Variants in TCP11L1 observed in about 807,000 individuals in gnomAD.
The protein encoded by TCP11L1 is t-complex 11 like 1, also known as T-complex protein 11-like protein 1.
In TCP11L1, 28 loss-of-function variants were observed where a neutral mutation model predicts 48.9. The observed-to-expected ratio is 0.57, with a 90% CI of 0.42 to 0.78. The LOEUF (loss-of-function observed/expected upper bound fraction) is 0.78. Among genes scored for constraint, TCP11L1 ranks in the 30% least tolerant of loss-of-function variants. TCP11L1 has a pLI of 0.00. For missense variants in TCP11L1, 505 were observed against 613.4 expected (o/e 0.82, Z 1.87); for synonymous variants, 204 against 231.9 (o/e 0.88, Z 1.09).
intron 9 of TCP11L1, 109 bp from the exon 10 acceptor site, chr11:33,072,363 GAT>G (rs1854817269): frequency 9.1e-7 from 1 of 1,092,900 alleles, no homozygotes; most frequent in Non-Finnish European, 1.4e-6. Flanking sequence ...TGGGAGTATT[GAT>G]CGGGGACAAC....
Position 33,065,828 on chromosome 11 carries a change from A to G in TCP11L1, c.973-2A>G, listed in dbSNP as rs1157843808. On this transcript the variant is annotated splice_acceptor_variant, in intron 7 of 9. Coordinates refer to ENST00000334274, the MANE Select transcript of TCP11L1 (RefSeq NM_018393.4). LOFTEE classifies it high-confidence loss of function. ...AGCGATGGCCTCTTCTATTCATTAC[A>G]GACAGTTTTAATGGACCAGTCTCGC... is the stretch of plus-strand genomic sequence containing the variant. 1.2e-6 allele frequency: 2 copies of G among 1,613,432 alleles called. No homozygotes were observed. Among genetic ancestry groups the G allele is most frequent in the Non-Finnish European group, 1.7e-6 (2 of 1,179,606 alleles).
chr11:33,069,746 C>T (rs183387157), intron 9 of TCP11L1, among the ~76,000 whole-genome samples: 3 of 152,280 alleles, frequency 2.0e-5, no homozygotes, highest in East Asian at 3.9e-4. Context: ...GCTGGGACTA[C>T]AGGCATGCAC....
chr11:33,062,468 C>CT (rs1360058340), intron 7 of TCP11L1, among the ~76,000 whole-genome samples: 1 of 152,210 alleles, frequency 6.6e-6, no homozygotes, highest in East Asian at 1.9e-4. Context: ...GTTTAGTCCT[C>CT]TTTTCCACTG....
chr11:33,062,829 T>C (rs1854505408), intron 7 of TCP11L1, among the ~76,000 whole-genome samples: 1 of 152,240 alleles, frequency 6.6e-6, no homozygotes, highest in South Asian at 2.1e-4. Flanking sequence ...GGTTCATTTA[T>C]GTTGTAGTAT....
rs746672860 is a variant in TCP11L1, at chr11:33,068,843, C to T, written c.1311C>T (p.Pro437=). The T allele has an allele frequency of 7.4e-6, 12 of 1,613,024 alleles. No individual in the cohort carries two copies. In the South Asian group the frequency reaches 1.2e-4, roughly 16 times the overall value. The stretch of plus-strand genomic sequence containing the variant: ...AGGCCGTGGCCAGTCCCGATGACCC[C>T]ATTCGCAGGATCATGGGTACGTTTG... The part of the protein sequence containing the change: ...QIQAVASPDD[P]IRRIMESRIL... Residue 437 remains proline, a synonymous_variant, in exon 9 of 10, where the codon CCC becomes CCT. Transcript: ENST00000334274.
intron 6 of TCP11L1, among the ~76,000 whole-genome samples, chr11:33,060,141 ACT>A (rs1854427355): frequency 6.6e-6 from 1 of 151,844 alleles, no homozygotes; most frequent in Non-Finnish European, 1.5e-5. Flanking sequence ...GAGTCTCCTC[ACT>A]CTGTCACCCA....
In TCP11L1 at chr11:33,068,860, G is replaced by GT; in HGVS notation, c.1327+2dup. The GT allele has an allele frequency of 2.5e-6, 4 of 1,609,706 alleles. No individual in the cohort carries two copies. Among genetic ancestry groups the GT allele is most frequent in the Non-Finnish European group, 3.4e-6 (4 of 1,176,440 alleles). On this transcript the variant is annotated splice_donor_variant, in intron 9 of 9. Coordinates refer to ENST00000334274, the MANE Select transcript of TCP11L1 (RefSeq NM_018393.4). LOFTEE classifies it high-confidence loss of function. ...GATGACCCCATTCGCAGGATCATGG[G>GT]TACGTTTGGGGAAGGCAGGCAGCAG...
chr11:33,040,033 C>T lies in TCP11L1; in HGVS notation c.-25+241C>T, dbSNP rs1038343621. On this transcript the variant is annotated intron_variant, in intron 1 of 9. Coordinates refer to ENST00000334274, the MANE Select transcript of TCP11L1 (RefSeq NM_018393.4). ...CCTCGCTGGCCTGAACAGCTGTTTACAACGGAATCCGGACGCCGGGCGCGA... is the reference window on the plus strand; with the variant it reads ...CCTCGCTGGCCTGAACAGCTGTTTATAACGGAATCCGGACGCCGGGCGCGA... 26 of 152,418 alleles carry T rather than the reference C, an allele frequency of 1.7e-4. No individual in the cohort carries two copies. The Middle Eastern group carries it at 0.01, about 60-fold the overall frequency. The allele number at this position is 152,418 out of a possible 1,614,324, so 9.4% of individuals were successfully genotyped here.
At chr11:33,069,276 G>A (rs1413832879) in intron 9 of TCP11L1, among the ~76,000 whole-genome samples, 1 of 152,066 alleles carries the variant, frequency 6.6e-6, no homozygotes, top group African/African-American at 2.4e-5. Context: ...TACGAAAAGA[G>A]CTGAATAGTA....
intron 9 of TCP11L1, among the ~76,000 whole-genome samples, chr11:33,072,134 G>T (rs992364003): frequency 6.6e-6 from 1 of 151,976 alleles, no homozygotes; most frequent in Non-Finnish European, 1.5e-5. Flanking sequence ...GTGAGCCACC[G>T]CGCCTGGCCA....
chr11:33,045,532 TAAAAA>T (rs1232159645), intron 2 of TCP11L1, among the ~76,000 whole-genome samples: 3 of 151,418 alleles, frequency 2.0e-5, no homozygotes, highest in Non-Finnish European at 4.4e-5. Context: ...AAAATAAAAA[TAAAAA>T]AAATAAAGAG....
At chr11:33,066,463 G>A (rs1011805038) in intron 8 of TCP11L1, among the ~76,000 whole-genome samples, 5 of 152,128 alleles carry the variant, frequency 3.3e-5, no homozygotes, top group Admixed American at 6.5e-5. Context: ...GGCTCGGGCT[G>A]GGGGGTAAGC....
intron 2 of TCP11L1, among the ~76,000 whole-genome samples, chr11:33,053,103 G>C (rs1854210567): frequency 1.3e-5 from 2 of 150,040 alleles, no homozygotes; most frequent in South Asian, 2.1e-4. Flanking sequence ...TCCTCCCTCT[G>C]ACTCCATGAT....
At chr11:33,060,733 T>TA (rs1394128080) in intron 6 of TCP11L1, among the ~76,000 whole-genome samples, 1 of 152,134 alleles carries the variant, frequency 6.6e-6, no homozygotes, top group East Asian at 1.9e-4. Flanking sequence ...GCCAGATTGA[T>TA]ACAAGGTTAA....
chr11:33,054,489 G>T lies in TCP11L1; in HGVS notation c.164-104G>T, dbSNP rs554112110. 6.7e-6 allele frequency: 9 copies of T among 1,339,992 alleles called. No individual in the cohort carries two copies. In the Admixed American group the frequency reaches 7.1e-5, roughly 11 times the overall value. The allele number at this position is 1,339,992 out of a possible 1,614,324, so 83.0% of individuals were successfully genotyped here. A position where few individuals can be genotyped will look rare whatever the true frequency, so the allele number is the denominator to read the frequency against. ...TGCCAGAACAAACATTTTAATAGAC[G>T]CAATAACTGAAATTATTGTCTGGTA... On this transcript the variant is annotated intron_variant, in intron 2 of 9. Coordinates refer to ENST00000334274, the MANE Select transcript of TCP11L1 (RefSeq NM_018393.4).
chr11:33,064,494 C>G lies in TCP11L1; in HGVS notation c.973-1336C>G, dbSNP rs117405341. 1.1e-3 allele frequency among the ~76,000 whole-genome samples: 168 copies of G among 152,306 alleles called. 3 individuals carry two copies. The East Asian group carries it at 0.027, about 25-fold the overall frequency. On this transcript the variant is annotated intron_variant, in intron 7 of 9. Coordinates refer to ENST00000334274, the MANE Select transcript of TCP11L1 (RefSeq NM_018393.4). ...TCAGATCAGATTCCCATCTGTGCAG[C>G]CTTTCCCTTCTCCTTCCCTCAGCCA...
intron 7 of TCP11L1, 35 bp from the exon 8 acceptor site, chr11:33,065,795 T>C: frequency 6.3e-7 from 1 of 1,594,832 alleles, no homozygotes; most frequent in Non-Finnish European, 8.6e-7. Flanking sequence ...AACCTGGACC[T>C]GCAGCTCAGC....
intron 2 of TCP11L1, among the ~76,000 whole-genome samples, chr11:33,051,093 G>A (rs1467797317): frequency 6.6e-6 from 1 of 152,136 alleles, no homozygotes; most frequent in Admixed American, 6.6e-5. Context: ...TTACAGGCAT[G>A]AGCCACCATG....
intron 9 of TCP11L1, among the ~76,000 whole-genome samples, chr11:33,071,149 T>C (rs1224125599): frequency 6.6e-6 from 1 of 151,792 alleles, no homozygotes; most frequent in Non-Finnish European, 1.5e-5. Context: ...ACCCCGCCTC[T>C]ACTAATAATA....
Sources: allele counts gnomAD v4.1 joint callset (sites outside exome capture counted in the v4.1 genomes callset), GRCh38; gene constraint gnomAD v4.1.1; transcripts MANE v1.5; gene names NCBI Gene and HGNC (gene_info 2026-07-23, HGNC 2026-07-21).